ZFHX3: variants seen among roughly 807,000 people sequenced by gnomAD.
The protein encoded by ZFHX3 is zinc finger homeobox protein 3.
ZFHX3 carries 42 observed loss-of-function variants against 279.1 expected under a neutral mutation model. The observed-to-expected ratio is 0.15, with a 90% confidence interval of 0.12 to 0.19. The LOEUF (loss-of-function observed/expected upper bound fraction) is 0.19. ZFHX3 is among the 10% of genes least tolerant of loss of function. The pLI, the probability that ZFHX3 is intolerant of heterozygous loss-of-function variation, is 1.00. For synonymous variants in ZFHX3, 2,293 were observed against 1,957.8 expected (o/e 1.17, Z -4.52); for missense variants, 4,981 against 4,754.0 (o/e 1.05, Z -1.40).
intron 2 of ZFHX3, among the ~76,000 whole-genome samples, chr16:73,459,975 G>A (rs539311692): frequency 1.3e-5 from 2 of 152,198 alleles, no homozygotes; most frequent in East Asian, 3.9e-4. Context: ...GGGACACAAG[G>A]CCTAACCATA....
intron 4 of ZFHX3, among the ~76,000 whole-genome samples, chr16:72,871,958 GC>G (rs2038172312): frequency 6.6e-6 from 1 of 152,008 alleles, no homozygotes; most frequent in Non-Finnish European, 1.5e-5. Flanking sequence ...GCTGGTGGGC[GC>G]CTGTAGTCCC....
At chr16:73,386,369 G>C (rs2016903062) in intron 3 of ZFHX3, among the ~76,000 whole-genome samples, 1 of 152,114 alleles carries the variant, frequency 6.6e-6, no homozygotes, top group African/African-American at 2.4e-5. Context: ...TACTAGATGT[G>C]CATATATGAA....
chr16:72,935,376 G>A (rs1006360944), intron 3 of ZFHX3, among the ~76,000 whole-genome samples: 3 of 152,190 alleles, frequency 2.0e-5, no homozygotes, highest in Non-Finnish European at 4.4e-5. Flanking sequence ...AAGCAGGAGA[G>A]GAGCCTCTAG....
intron 1 of ZFHX3, among the ~76,000 whole-genome samples, chr16:73,881,734 ATGTG>A (rs1490299681): frequency 6.6e-6 from 1 of 151,760 alleles, no homozygotes; most frequent in African/African-American, 2.4e-5. Context: ...TGGGATATAT[ATGTG>A]TGTGTGCGTA....
chr16:73,111,673 AAG>A (rs764132266), intron 7 of ZFHX3, among the ~76,000 whole-genome samples: 10 of 67,428 alleles, frequency 1.5e-4, no homozygotes, highest in Non-Finnish European at 2.8e-4. Flanking sequence ...GAGAGAGCGA[AAG>A]AGAGGAAGGA....
chr16:73,058,197 G>C (rs1486844521), intron 1 of ZFHX3, among the ~76,000 whole-genome samples: 1 of 145,592 alleles, frequency 6.9e-6, no homozygotes, highest in Non-Finnish European at 1.5e-5. Flanking sequence ...CCGGCGGCCG[G>C]CGGCGGCGGC....
At chr16:72,849,106 T>C (rs1461982253) in intron 4 of ZFHX3, among the ~76,000 whole-genome samples, 3 of 152,028 alleles carry the variant, frequency 2.0e-5, no homozygotes, top group Non-Finnish European at 2.9e-5. Context: ...CACTCACTCA[T>C]GGTTCCCAGA....
chr16:73,632,406 G>C (rs1334043921), intron 2 of ZFHX3, among the ~76,000 whole-genome samples: 3 of 152,300 alleles, frequency 2.0e-5, no homozygotes, highest in East Asian at 3.9e-4. Context: ...ATATGAGCCG[G>C]GTGCGGTGGC....
intron 4 of ZFHX3, among the ~76,000 whole-genome samples, chr16:72,841,054 A>T (rs1253010821): frequency 1.3e-5 from 2 of 152,192 alleles, no homozygotes; most frequent in Non-Finnish European, 2.9e-5. Flanking sequence ...ACGTGTGAAC[A>T]CCCGGAGTGG....
At chr16:73,285,732 T>C (rs1038995700) in intron 4 of ZFHX3, among the ~76,000 whole-genome samples, 2 of 152,222 alleles carry the variant, frequency 1.3e-5, no homozygotes, top group Non-Finnish European at 2.9e-5. Context: ...AAGCCCCCTG[T>C]TATTTCTCTG....
chr16:73,094,189 T>A (rs1179791939), intron 7 of ZFHX3, among the ~76,000 whole-genome samples: 4 of 152,198 alleles, frequency 2.6e-5, no homozygotes, highest in African/African-American at 9.7e-5. Flanking sequence ...GCAGCATTCT[T>A]TTTGGAAACA....
intron 5 of ZFHX3, among the ~76,000 whole-genome samples, chr16:73,182,514 T>G (rs900626184): frequency 7.9e-5 from 12 of 151,856 alleles, no homozygotes; most frequent in Non-Finnish European, 1.3e-4. Context: ...AGAACTACCA[T>G]CCGATCTAGC....
exon 8 of ZFHX3, chr16:73,093,265 C>T (rs1597154079): frequency 4.0e-6 from 2 of 501,468 alleles, no homozygotes; most frequent in East Asian, 5.6e-5. Flanking sequence ...CACTCAAAGG[C>T]CACGTGCCAC....
chr16:73,760,049 T>A, intron 1 of ZFHX3, among the ~76,000 whole-genome samples: 1 of 150,010 alleles, frequency 6.7e-6, no homozygotes, highest in African/African-American at 2.4e-5. Context: ...GACAACTGGC[T>A]AGATGAATAA....
intron 2 of ZFHX3, among the ~76,000 whole-genome samples, chr16:73,654,228 TC>T (rs1370903817): frequency 6.6e-6 from 1 of 151,740 alleles, no homozygotes; most frequent in East Asian, 1.9e-4. Context: ...ACAAAAAACT[TC>T]CTCTCAACAC....
chr16:73,721,464 C>T (rs768026597), intron 1 of ZFHX3, among the ~76,000 whole-genome samples: 12 of 152,220 alleles, frequency 7.9e-5, no homozygotes, highest in Non-Finnish European at 1.8e-4. Context: ...CCTGTGTCAG[C>T]TCTTGATTCC....
chr16:73,361,026 G>C (rs2016425427), intron 3 of ZFHX3, among the ~76,000 whole-genome samples: 1 of 152,108 alleles, frequency 6.6e-6, no homozygotes, highest in Non-Finnish European at 1.5e-5. Flanking sequence ...AGGAAATGGG[G>C]GCACTTTTGG....
chr16:73,462,371 C>G (rs11641569), intron 2 of ZFHX3, among the ~76,000 whole-genome samples: 57,048 of 152,004 alleles, frequency 0.38, 13,784 homozygotes, highest in Non-Finnish European at 0.54. Context: ...AAAAATACTT[C>G]TTTTTCTTCC....
intron 8 of ZFHX3, 71 bp from the exon 9 acceptor site, chr16:72,798,785 G>C (rs1051795126): frequency 1.3e-5 from 20 of 1,492,742 alleles, no homozygotes; most frequent in Non-Finnish European, 1.8e-5. Context: ...CACCCAGAGC[G>C]GTCTACCTAG....
Sources: gnomAD v4.1 joint callset for allele counts (sites outside exome capture counted in the v4.1 genomes callset) on GRCh38, gnomAD v4.1.1 for gene constraint, MANE v1.5 for transcripts, NCBI Gene and HGNC (gene_info 2026-07-23, HGNC 2026-07-21) for gene names.